Variants in PCDH11Y observed in about 807,000 individuals in gnomAD.
PCDH11Y encodes the protein protocadherin 11 Y-linked.
For synonymous variants in PCDH11Y, 9 were observed against 83.6 expected (o/e 0.11, Z 4.87); for missense variants, 12 against 224.8 (o/e 0.05, Z 6.05).
At chrY:5,580,214 T>C in intron 3 of PCDH11Y, among the ~76,000 whole-genome samples, 1 of 32,284 alleles carries the variant, frequency 3.1e-5, no homozygotes, top group East Asian at 8.1e-4. Flanking sequence ...ATGTTTTGCT[T>C]CTTTTATTTG....
intron 4 of PCDH11Y, among the ~76,000 whole-genome samples, chrY:5,728,255 G>A (rs1602964781): frequency 3.0e-5 from 1 of 33,231 alleles, no homozygotes; most frequent in Non-Finnish European, 7.5e-5. Context: ...GATAACATAC[G>A]TTTTCAAATA....
chrY:5,521,477 G>A (rs1373145027), intron 3 of PCDH11Y, among the ~76,000 whole-genome samples: 6 of 32,440 alleles, frequency 1.8e-4, no homozygotes, highest in Non-Finnish European at 3.8e-4. Context: ...GCCTTAAAGT[G>A]TTTTAATATT....
intron 4 of PCDH11Y, among the ~76,000 whole-genome samples, chrY:5,588,220 C>T: frequency 3.4e-5 from 1 of 29,691 alleles, no homozygotes; most frequent in Non-Finnish European, 8.1e-5. Flanking sequence ...AACTCATAAA[C>T]ACTCTACATT....
intron 2 of PCDH11Y, among the ~76,000 whole-genome samples, chrY:5,495,511 T>A: frequency 8.9e-5 from 3 of 33,758 alleles, no homozygotes; most frequent in African/African-American, 3.5e-4. Flanking sequence ...ATTCAAAATG[T>A]TTTTTACGTA....
At chrY:5,076,275 C>T (rs2052708735) in intron 1 of PCDH11Y, among the ~76,000 whole-genome samples, 1 of 33,195 alleles carries the variant, frequency 3.0e-5, no homozygotes, top group South Asian at 6.7e-4. Context: ...TTCTTTTTCT[C>T]TAGAGTGATT....
intron 1 of PCDH11Y, among the ~76,000 whole-genome samples, chrY:5,059,018 G>C: frequency 3.0e-5 from 1 of 32,848 alleles, no homozygotes; most frequent in Non-Finnish European, 7.5e-5. Flanking sequence ...AATATCACAG[G>C]GGCAGAATTG....
intron 2 of PCDH11Y, among the ~76,000 whole-genome samples, chrY:5,462,386 A>G (rs1329809484): frequency 8.0e-3 from 264 of 32,821 alleles, no homozygotes; most frequent in Middle Eastern, 0.042. Flanking sequence ...CAGAAAATCA[A>G]AATGAAACAA....
At chrY:5,372,271 C>G in intron 2 of PCDH11Y, among the ~76,000 whole-genome samples, 10 of 32,758 alleles carry the variant, frequency 3.1e-4, no homozygotes, top group African/African-American at 1.2e-3. Flanking sequence ...TTTAAAAAAA[C>G]TTTTACACAT....
chrY:5,628,985 T>C, intron 4 of PCDH11Y, among the ~76,000 whole-genome samples: 1 of 33,778 alleles, frequency 3.0e-5, no homozygotes, highest in Non-Finnish European at 7.4e-5. Context: ...AAAGCTTCTC[T>C]GTGCAACTTA....
intron 2 of PCDH11Y, among the ~76,000 whole-genome samples, chrY:5,482,290 CCTAG>C (rs2053328094): frequency 3.0e-5 from 1 of 33,542 alleles, no homozygotes; most frequent in Non-Finnish European, 7.4e-5. Context: ...AGCCACTGCA[CCTAG>C]CCAAAGATCT....
intron 2 of PCDH11Y, among the ~76,000 whole-genome samples, chrY:5,456,217 C>T (rs1602928324): frequency 3.0e-5 from 1 of 33,356 alleles, no homozygotes; most frequent in African/African-American, 1.2e-4. Flanking sequence ...AAATACTCAA[C>T]GTCAGTAGTC....
intron 2 of PCDH11Y, among the ~76,000 whole-genome samples, chrY:5,458,668 A>T: frequency 3.1e-5 from 1 of 32,647 alleles, no homozygotes; most frequent in African/African-American, 1.2e-4. Context: ...TTGTAAAAAT[A>T]AAATCTTATC....
chrY:5,635,464 A>G, intron 4 of PCDH11Y, among the ~76,000 whole-genome samples: 1 of 33,089 alleles, frequency 3.0e-5, no homozygotes. Context: ...GATTCTAAAT[A>G]AAAACAGAAC....
chrY:5,513,778 A>G, intron 3 of PCDH11Y, among the ~76,000 whole-genome samples: 2 of 32,539 alleles, frequency 6.1e-5, no homozygotes, highest in African/African-American at 2.4e-4. Context: ...TATCCAGAAG[A>G]ATTTGTTTGT....
At chrY:5,371,723 C>T in intron 2 of PCDH11Y, among the ~76,000 whole-genome samples, 5 of 32,169 alleles carry the variant, frequency 1.6e-4, no homozygotes, top group Non-Finnish European at 3.8e-4. Flanking sequence ...CAAGGCGAAA[C>T]CCCATCTCTA....
chrY:5,581,455 C>T (rs1459856930), intron 3 of PCDH11Y, among the ~76,000 whole-genome samples: 2 of 32,981 alleles, frequency 6.1e-5, no homozygotes, highest in African/African-American at 1.2e-4. Flanking sequence ...TCACAGGCGA[C>T]GAAGCTAGAA....
chrY:5,485,121 C>T, intron 2 of PCDH11Y, among the ~76,000 whole-genome samples: 1 of 33,163 alleles, frequency 3.0e-5, no homozygotes, highest in East Asian at 8.0e-4. Context: ...TCCTTCACTG[C>T]ATTAGATTTC....
At chrY:5,585,794 A>C in intron 4 of PCDH11Y, among the ~76,000 whole-genome samples, 1 of 30,140 alleles carries the variant, frequency 3.3e-5, no homozygotes, top group African/African-American at 1.3e-4. Flanking sequence ...AATCTTCTGC[A>C]TATGTCAGTT....
At chrY:5,648,704 A>G in intron 4 of PCDH11Y, among the ~76,000 whole-genome samples, 2 of 30,434 alleles carry the variant, frequency 6.6e-5, no homozygotes, top group African/African-American at 2.6e-4. Flanking sequence ...GAGCAACTAT[A>G]GGAGTTATAG....
Sources: allele counts gnomAD v4.1 joint callset (sites outside exome capture counted in the v4.1 genomes callset), GRCh38; gene constraint gnomAD v4.1.1; transcripts MANE v1.5; gene names NCBI Gene and HGNC (gene_info 2026-07-23, HGNC 2026-07-21).